Variants in RABGAP1L observed in about 807,000 individuals in gnomAD.
The protein encoded by RABGAP1L is RAB GTPase activating protein 1 like.
RABGAP1L carries 63 observed loss-of-function variants against 137.7 expected under a neutral mutation model. That is an observed-to-expected ratio of 0.46 (90% CI 0.37 to 0.56). The LOEUF is 0.56. Ranked by LOEUF, RABGAP1L falls within the 20% of genes least tolerant of loss-of-function variation. The probability of loss-of-function intolerance (pLI) is 0.00; values close to 1 mark genes in which losing one functional copy is unlikely to be tolerated. For synonymous variants in RABGAP1L, 431 were observed against 433.7 expected (o/e 0.99, Z 0.08); for missense variants, 1,095 against 1,244.0 (o/e 0.88, Z 1.80).
chr1:174,451,168 C>T (rs537957895), intron 13 of RABGAP1L, among the ~76,000 whole-genome samples: 1 of 152,170 alleles, frequency 6.6e-6, no homozygotes, highest in Non-Finnish European at 1.5e-5. Context: ...CCAGTGGCAT[C>T]TTGGTTTAAA....
At chr1:174,639,325 T>C (rs1035746417) in intron 14 of RABGAP1L, among the ~76,000 whole-genome samples, 3 of 152,190 alleles carry the variant, frequency 2.0e-5, no homozygotes, top group African/African-American at 7.2e-5. Flanking sequence ...TAGAAAGTGA[T>C]ATATCATCTA....
At chr1:174,550,997 C>CATATATATATAT (rs1252681895) in intron 13 of RABGAP1L, among the ~76,000 whole-genome samples, 1,609 of 91,894 alleles carry the variant, frequency 0.018, 225 homozygotes, top group African/African-American at 0.12. Flanking sequence ...TATATATATA[C>CATATATATATAT]ACATATATAT....
chr1:174,539,124 C>G (rs550096359), intron 13 of RABGAP1L, among the ~76,000 whole-genome samples: 16 of 151,908 alleles, frequency 1.1e-4, no homozygotes, highest in Non-Finnish European at 4.4e-5. Flanking sequence ...AATAAATTAC[C>G]TAATACTGGC....
chr1:174,292,832 C>G (rs1676759188), intron 10 of RABGAP1L, among the ~76,000 whole-genome samples: 2 of 152,150 alleles, frequency 1.3e-5, no homozygotes, highest in African/African-American at 4.8e-5. Flanking sequence ...TTACTGTAAG[C>G]AACAGTAGTA....
chr1:174,289,396 T>G (rs1676370731), intron 10 of RABGAP1L, among the ~76,000 whole-genome samples: 1 of 152,208 alleles, frequency 6.6e-6, no homozygotes, highest in Admixed American at 6.5e-5. Flanking sequence ...TAATGTATTG[T>G]TTTTCTGATT....
chr1:174,770,484 C>G (rs550948342), intron 18 of RABGAP1L, among the ~76,000 whole-genome samples: 2 of 152,212 alleles, frequency 1.3e-5, no homozygotes, highest in South Asian at 4.1e-4. Context: ...TCTCATGAAA[C>G]AATCCAAAAT....
At chr1:174,554,165 A>T (rs534049736) in intron 13 of RABGAP1L, among the ~76,000 whole-genome samples, 2 of 152,156 alleles carry the variant, frequency 1.3e-5, no homozygotes, top group East Asian at 3.8e-4. Flanking sequence ...TTACAGTTTC[A>T]TTTGTCATCA....
At chr1:174,850,158 G>A (rs1648027281) in intron 19 of RABGAP1L, 7 of 447,888 alleles carry the variant, frequency 1.6e-5, no homozygotes, top group South Asian at 1.2e-4. Flanking sequence ...GCGAGTCACT[G>A]CAGCCCCCAT....
intron 13 of RABGAP1L, among the ~76,000 whole-genome samples, chr1:174,406,392 T>C (rs187308890): frequency 3.9e-4 from 59 of 152,340 alleles, no homozygotes; most frequent in African/African-American, 1.2e-3. Flanking sequence ...GATATAACTT[T>C]TTAATATTAC....
chr1:174,893,698 G>A (rs978255798), intron 19 of RABGAP1L, among the ~76,000 whole-genome samples: 1 of 152,084 alleles, frequency 6.6e-6, no homozygotes, highest in African/African-American at 2.4e-5. Context: ...TCGCTAGCAG[G>A]TACTTCCTAA....
rs1457465428 is a variant in RABGAP1L at position 174,280,059 on chromosome 1, G to GAGAC, written c.1323+1283_1323+1284insCAGA. ...CTGTCTGTCTGCCTGGAGAGAGAGAGAGAGAGAGAGAGAGAGAGAGAGAGA... is the reference window on the plus strand; with the variant it reads ...CTGTCTGTCTGCCTGGAGAGAGAGAGAGACAGAGAGAGAGAGAGAGAGAGAGAGA... On this transcript the variant is annotated intron_variant, in intron 10 of 25. Coordinates refer to ENST00000681986, the MANE Select transcript of RABGAP1L (RefSeq NM_001366446.1). Among the ~76,000 whole-genome samples the GAGAC allele has an allele frequency of 2.1e-5, 3 of 143,586 alleles. No homozygotes were observed. The East Asian group carries it at 5.9e-4, about 28-fold the overall frequency. The allele number at this position is 143,586 out of a possible 152,430, so 94.2% of individuals were successfully genotyped here.
chr1:174,561,089 A>C (rs763826090), intron 13 of RABGAP1L, among the ~76,000 whole-genome samples: 7 of 152,168 alleles, frequency 4.6e-5, no homozygotes, highest in Non-Finnish European at 8.8e-5. Context: ...CTCTGTTTGC[A>C]GATGACATGA....
intron 13 of RABGAP1L, among the ~76,000 whole-genome samples, chr1:174,492,931 A>G (rs1476747194): frequency 6.6e-6 from 1 of 151,562 alleles, no homozygotes; most frequent in African/African-American, 2.4e-5. Flanking sequence ...TTGTACTTCC[A>G]CCGTAGCCTT....
At chr1:174,617,296 G>T (rs1359421256) in intron 13 of RABGAP1L, among the ~76,000 whole-genome samples, 1 of 152,196 alleles carries the variant, frequency 6.6e-6, no homozygotes, top group Non-Finnish European at 1.5e-5. Flanking sequence ...CACAAAATCT[G>T]TAGCAGAAAC....
intron 19 of RABGAP1L, among the ~76,000 whole-genome samples, chr1:174,856,343 C>A (rs897748580): frequency 1.6e-4 from 24 of 150,928 alleles, no homozygotes; most frequent in Middle Eastern, 3.4e-3. Context: ...TGCAGTGAAC[C>A]AAGATCGTGC....
chr1:174,640,825 T>G (rs1023007586), intron 14 of RABGAP1L, among the ~76,000 whole-genome samples: 4 of 151,676 alleles, frequency 2.6e-5, no homozygotes, highest in African/African-American at 9.7e-5. Context: ...CATCCTTTTC[T>G]TGCTCCTGAT....
chr1:174,266,953 G>A (rs1467168318), intron 7 of RABGAP1L, among the ~76,000 whole-genome samples: 2 of 152,120 alleles, frequency 1.3e-5, no homozygotes, highest in African/African-American at 4.8e-5. Context: ...GTATAAAGTT[G>A]TGATATGAAC....
At chr1:174,383,795 C>T (rs143269274) in intron 12 of RABGAP1L, among the ~76,000 whole-genome samples, 12,285 of 151,888 alleles carry the variant, frequency 0.081, 571 homozygotes, top group Admixed American at 0.1. Context: ...TGTTCCTATT[C>T]GGCCATCTTG....
chr1:174,239,629 T>C (rs1459098111), intron 4 of RABGAP1L, among the ~76,000 whole-genome samples: 1 of 152,192 alleles, frequency 6.6e-6, no homozygotes, highest in Non-Finnish European at 1.5e-5. Context: ...TATTGGTTTA[T>C]TGGATATCTT....
Sources: allele counts gnomAD v4.1 joint callset (sites outside exome capture counted in the v4.1 genomes callset), GRCh38; gene constraint gnomAD v4.1.1; transcripts MANE v1.5; gene names NCBI Gene and HGNC (gene_info 2026-07-23, HGNC 2026-07-21).